Variants in SRRM2 observed in about 807,000 individuals in gnomAD.
SRRM2 encodes the protein serine/arginine repetitive matrix protein 2.
In SRRM2, 30 loss-of-function variants were observed where a neutral mutation model predicts 213.8. The ratio of observed to expected loss-of-function variants is 0.14; its 90% CI spans 0.10 to 0.19. SRRM2 has a LOEUF of 0.19. Ranked by LOEUF, SRRM2 falls within the 10% of genes least tolerant of loss-of-function variation. The pLI, the probability that SRRM2 is intolerant of heterozygous loss-of-function variation, is 1.00. For synonymous variants in SRRM2, 2,025 were observed against 1,377.7 expected, an observed-to-expected ratio of 1.47 and a Z score of -10.40; for missense variants, 4,904 against 3,647.0, an observed-to-expected ratio of 1.34 and a Z score of -8.88.
rs765296173 is a variant in SRRM2, at chr16:2,763,858, C to T, written c.3330C>T (p.Ser1110=). 1 of 1,614,080 alleles carries T rather than the reference C, an allele frequency of 6.2e-7. No individual in the cohort carries two copies. Among genetic ancestry groups the T allele is most frequent in the Non-Finnish European group, 8.5e-7 (1 of 1,180,046 alleles). Residue 1110 remains serine (S), a synonymous_variant, in exon 11 of 15, where the codon TCC becomes TCT. Coordinates refer to ENST00000301740, the MANE Select transcript of SRRM2 (RefSeq NM_016333.4). Reference sequence around the variant, plus strand: ...CATCTCCAGTCACTGAGCTGGCATCCAGATCTCCAATAAGACAAGATAGAG... The same window carrying T: ...CATCTCCAGTCACTGAGCTGGCATCTAGATCTCCAATAAGACAAGATAGAG... ...RSSSPVTELA[S]RSPIRQDRGE...
Position 2,762,713 on chromosome 16 carries a change from G to T in SRRM2, c.2185G>T (p.Glu729Ter). ...QRRGRSGSSS[E>*]RKNKSRTSQR... ...AAGAGGCAGATCTGGCTCATCTTCA[G>T]AGCGGAAAAACAAATCCAGAACATC... Residue 729 changes from glutamate (E) to a stop codon, truncating the protein, a stop_gained, in exon 11 of 15, where the codon GAG becomes TAG. Transcript: ENST00000301740. LOFTEE classifies it high-confidence loss of function. The T allele has an allele frequency of 6.2e-7, 1 of 1,614,174 alleles. No homozygotes were observed. Among genetic ancestry groups the T allele is most frequent in the South Asian group, 1.1e-5 (1 of 91,068 alleles).
rs762308873 is a variant in SRRM2, at chr16:2,764,131, A to G, written c.3603A>G (p.Val1201=). ...PVQDRPESSL[V]FKDTLRTPPR... Reference sequence around the variant, plus strand: ...AGGATAGGCCTGAGTCTTCACTGGTATTCAAAGACACACTTAGAACCCCGC... The same window carrying G: ...AGGATAGGCCTGAGTCTTCACTGGTGTTCAAAGACACACTTAGAACCCCGC... The change falls in exon 11 of 15, where the codon GTA becomes GTG. Residue 1201 remains valine, a synonymous_variant. Transcript: ENST00000301740. 1.1e-5 allele frequency: 17 copies of G among 1,614,176 alleles called. No homozygotes were observed. The Admixed American group carries it at 2.8e-4, about 27-fold the overall frequency.
rs1596284146 is a variant in SRRM2 at position 2,765,126 on chromosome 16, T to C, written c.4598T>C (p.Leu1533Pro). The C allele has an allele frequency of 6.2e-7, 1 of 1,614,052 alleles. No homozygotes were observed. Among genetic ancestry groups the C allele is most frequent in the African/African-American group, 1.3e-5 (1 of 74,914 alleles). ...VDQKTVARTP[L>P]GQRSRSGSSQ... ...CAGAAAACTGTGGCTCGGACTCCCC[T>C]GGGGCAGAGAAGTCGTTCGGGATCC... The change falls in exon 11 of 15, where the codon CTG becomes CCG. Residue 1533 changes from leucine to proline, a missense_variant. Coordinates refer to ENST00000301740, the MANE Select transcript of SRRM2 (RefSeq NM_016333.4).
At chr16:2,755,678 A>G (rs946612625) in intron 1 of SRRM2, among the ~76,000 whole-genome samples, 5 of 152,238 alleles carry the variant, frequency 3.3e-5, no homozygotes, top group African/African-American at 4.8e-5. Flanking sequence ...CGATTATCCA[A>G]GGTTCATGTG....
At position 2,761,753 on chromosome 16, in the gene SRRM2, C is replaced by T. The variant is rs776351994; in HGVS notation, c.1225C>T (p.Pro409Ser). 2.5e-6 allele frequency: 4 copies of T among 1,613,070 alleles called. No individual in the cohort carries two copies. The highest frequency in any genetic ancestry group is 2.2e-5 in the East Asian group (1 of 44,866). The stretch of plus-strand genomic sequence containing the variant: ...TCGGGACCGTTCACCACCTAAGTCT[C>T]CCGAGAAACTTCCCCAGTCTTCTTC... ...PTRDRSPPKS[P>S]EKLPQSSSSE... Residue 409 changes from proline to serine, a missense_variant, in exon 11 of 15, where the codon CCC becomes TCC. Coordinates refer to ENST00000301740, the MANE Select transcript of SRRM2 (RefSeq NM_016333.4).
Position 2,765,218 on chromosome 16 carries a change from G to T in SRRM2, c.4690G>T (p.Asp1564Tyr). Reference sequence around the variant, plus strand: ...AAGAAGTGAGTCAGACTCTTCTCCAGATTCTAAAGCCAAGACAAGAACCCC... The same window carrying T: ...AAGAAGTGAGTCAGACTCTTCTCCATATTCTAAAGCCAAGACAAGAACCCC... ...QERSESDSSP[D>Y]SKAKTRTPLR... The change falls in exon 11 of 15, where the codon GAT becomes TAT. Residue 1564 changes from aspartate to tyrosine, a missense_variant. By Grantham distance (160) the Asp-to-Tyr change is radical. Transcript: ENST00000301740. 1 of 1,614,126 alleles carries T rather than the reference G, an allele frequency of 6.2e-7. No individual in the cohort carries two copies.
rs1047312152 is a variant in SRRM2, at chr16:2,754,068, T to G, written c.-32+1222T>G. 3.7e-4 allele frequency among the ~76,000 whole-genome samples: 57 copies of G among 152,226 alleles called. 2 individuals carry two copies. Reference sequence around the variant, plus strand: ...ACTTTCTGCTTTTAACTTGGGTAACTTTTGCATATCCACTGTCTATGGCCC... The same window carrying G: ...ACTTTCTGCTTTTAACTTGGGTAACGTTTGCATATCCACTGTCTATGGCCC... On this transcript the variant is annotated intron_variant, in intron 1 of 14. Transcript: ENST00000301740.
Position 2,762,934 on chromosome 16 carries a change from C to T in SRRM2, c.2406C>T (p.Ser802=), listed in dbSNP as rs987306784. 1 of 1,610,596 alleles carries T rather than the reference C, an allele frequency of 6.2e-7. No homozygotes were observed. Among genetic ancestry groups the T allele is most frequent in the Non-Finnish European group, 8.5e-7 (1 of 1,177,014 alleles). The change falls in exon 11 of 15, where the codon TCC becomes TCT. Residue 802 remains serine (S), a synonymous_variant. Coordinates refer to ENST00000301740, the MANE Select transcript of SRRM2 (RefSeq NM_016333.4). ...TPPRRSRSGS[S]QPKAKSRTPP... is the part of the protein sequence containing the mutation. The stretch of plus-strand genomic sequence containing the variant: ...CCAGGCGCAGTCGCTCTGGATCCTC[C>T]CAACCTAAAGCTAAATCTAGAACGC...
At position 2,766,975 on chromosome 16, in the gene SRRM2, G is replaced by C. The variant is rs752409211; in HGVS notation, c.6447G>C (p.Leu2149=). The stretch of plus-strand genomic sequence containing the variant: ...GCTCTAGAACACCCATGTCTGTCCT[G>C]CAGCAAGCCGGCGGCTCCATGATGG... ...LGSSRTPMSV[L]QQAGGSMMDG... Residue 2149 remains leucine (L), a synonymous_variant, in exon 11 of 15, where the codon CTG becomes CTC. Transcript: ENST00000301740. The surrounding 1 kb of genome is among the most constrained non-coding windows in gnomAD (Gnocchi z 7.0). The C allele has an allele frequency of 4.3e-5, 69 of 1,613,990 alleles. No homozygotes were observed. In the Admixed American group the frequency reaches 1.1e-3, roughly 26 times the overall value.
Position 2,765,849 on chromosome 16 carries a change from G to A in SRRM2, c.5321G>A (p.Arg1774His), listed in dbSNP as rs756959617. 24 of 1,613,908 alleles carry A rather than the reference G, an allele frequency of 1.5e-5. No individual in the cohort carries two copies. The highest frequency in any genetic ancestry group is 1.9e-5 in the Non-Finnish European group (23 of 1,180,022). Reference protein sequence around the residue: ...SPKPRGLQRSRSRSRREKTRT... With the variant: ...SPKPRGLQRSHSRSRREKTRT... ...AAGCCTCGTGGACTCCAGAGGTCCCGTTCCCGCTCAAGGAGAGAGAAAACA... is the reference window on the plus strand; with the variant it reads ...AAGCCTCGTGGACTCCAGAGGTCCCATTCCCGCTCAAGGAGAGAGAAAACA... The change falls in exon 11 of 15, where the codon CGT becomes CAT. Residue 1774 changes from arginine to histidine, a missense_variant. Coordinates refer to ENST00000301740, the MANE Select transcript of SRRM2 (RefSeq NM_016333.4).
Position 2,764,347 on chromosome 16 carries a change from A to G in SRRM2, c.3819A>G (p.Glu1273=). ...MSTSNFESSP[E]VEERPAVSLT... Reference sequence around the variant, plus strand: ...CAAGTAACTTTGAATCATCTCCTGAAGTAGAAGAAAGGCCTGCTGTGTCTT... The same window carrying G: ...CAAGTAACTTTGAATCATCTCCTGAGGTAGAAGAAAGGCCTGCTGTGTCTT... The change falls in exon 11 of 15, where the codon GAA becomes GAG. Residue 1273 remains glutamate (E), a synonymous_variant. Coordinates refer to ENST00000301740, the MANE Select transcript of SRRM2 (RefSeq NM_016333.4). 1 of 1,614,198 alleles carries G rather than the reference A, an allele frequency of 6.2e-7. No homozygotes were observed. Among genetic ancestry groups the G allele is most frequent in the Non-Finnish European group, 8.5e-7 (1 of 1,180,044 alleles).
intron 1 of SRRM2, among the ~76,000 whole-genome samples, chr16:2,756,090 G>T (rs1567218381): frequency 6.6e-6 from 1 of 152,224 alleles, no homozygotes; most frequent in Non-Finnish European, 1.5e-5. Context: ...TTAGAATTCT[G>T]TGCAAGGGCA....
In SRRM2 at chr16:2,767,866, G is replaced by A. The variant is rs139940544; in HGVS notation, c.7338G>A (p.Gln2446=). The change falls in exon 11 of 15, where the codon CAG becomes CAA. Residue 2446 remains glutamine, a synonymous_variant. Coordinates refer to ENST00000301740, the MANE Select transcript of SRRM2 (RefSeq NM_016333.4). Reference sequence around the variant, plus strand: ...CTCTTCTCCCTCCAGCACAGGATCAGCCGAGGTCTCCTGTGCCTTCTGCTT... The same window carrying A: ...CTCTTCTCCCTCCAGCACAGGATCAACCGAGGTCTCCTGTGCCTTCTGCTT... The part of the protein sequence containing the change: ...SQSLLPPAQD[Q]PRSPVPSAFS... 7 of 1,614,138 alleles carry A rather than the reference G, an allele frequency of 4.3e-6. No homozygotes were observed. In the Admixed American group the frequency reaches 1.0e-4, roughly 23 times the overall value.
At chr16:2,755,618 A>T (rs1855059455) in intron 1 of SRRM2, among the ~76,000 whole-genome samples, 1 of 152,206 alleles carries the variant, frequency 6.6e-6, no homozygotes, top group African/African-American at 2.4e-5. Context: ...AGGATCTTTA[A>T]ATATTTGGAA....
intron 10 of SRRM2, among the ~76,000 whole-genome samples, chr16:2,761,053 C>A (rs1024092947): frequency 1.3e-5 from 2 of 152,222 alleles, no homozygotes; most frequent in African/African-American, 4.8e-5. Context: ...AACTTAACTA[C>A]TTCCTTATTG....
In SRRM2 at chr16:2,762,433, T is replaced by A. The variant is rs2068386831; in HGVS notation, c.1905T>A (p.Ser635=). The A allele has an allele frequency of 6.2e-7, 1 of 1,613,386 alleles. No individual in the cohort carries two copies. Among genetic ancestry groups the A allele is most frequent in the African/African-American group, 1.3e-5 (1 of 74,624 alleles). Residue 635 remains serine (S), a synonymous_variant, in exon 11 of 15, where the codon TCT becomes TCA. Transcript: ENST00000301740. The part of the protein sequence containing the change: ...SRTRSPVRRR[S]RSRSPARRSG... ...CCCGATCACCAGTACGACGCAGGTC[T>A]CGTAGTAGATCACCAGCCAGGAGAA...
In SRRM2 at chr16:2,771,261, C is replaced by A. The variant is rs1431686918; in HGVS notation, c.*394C>A. On this transcript the variant is annotated 3_prime_UTR_variant, in exon 15 of 15. Transcript: ENST00000301740. ...ATAAGGTGTTCTTGGAAGGAAGGGG[C>A]AGGAGTTGGAATTAGTTGGTCCCTA... The A allele has an allele frequency of 1.3e-6, 1 of 752,006 alleles. No homozygotes were observed. Among genetic ancestry groups the A allele is most frequent in the East Asian group, 2.7e-5 (1 of 37,606 alleles). 46.6% of individuals were successfully genotyped at this position (752,006 alleles called of 1,614,324 possible).
chr16:2,759,989 T>G (rs2068282785), intron 9 of SRRM2: 1 of 534,780 alleles, frequency 1.9e-6, no homozygotes, highest in African/African-American at 1.9e-5. Context: ...GAAGGCTTCC[T>G]GAAGGAGGTG....
intron 4 of SRRM2, 140 bp downstream of exon 4, chr16:2,758,085 T>C (rs1437777143): frequency 9.8e-7 from 1 of 1,020,222 alleles, no homozygotes; most frequent in East Asian, 2.5e-5. Context: ...CAAAAAAATG[T>C]GTCCAAGGGT....
Sources: gnomAD v4.1 joint callset for allele counts (sites outside exome capture counted in the v4.1 genomes callset) on GRCh38, gnomAD v4.1.1 for gene constraint, Gnocchi (gnomAD v3.1) non-coding constraint, MANE v1.5 for transcripts, NCBI Gene and HGNC (gene_info 2026-07-23, HGNC 2026-07-21) for gene names.